Variants in GBF1 observed in about 807,000 individuals in gnomAD.
GBF1 encodes golgi brefeldin A resistant guanine nucleotide exchange factor 1.
GBF1 carries 114 observed loss-of-function variants against 210.5 expected under a neutral mutation model. That is an observed-to-expected ratio of 0.54 (90% CI 0.47 to 0.63). The LOEUF (loss-of-function observed/expected upper bound fraction) is 0.63, where lower values mean the gene tolerates loss of function less well. GBF1 is among the 30% of genes least tolerant of loss of function. The probability of loss-of-function intolerance (pLI) is 0.00; values close to 1 mark genes in which losing one functional copy is unlikely to be tolerated. For synonymous variants in GBF1, 850 were observed against 889.2 expected, an observed-to-expected ratio of 0.96 and a Z score of 0.78; for missense variants, 1,851 against 2,357.7, an observed-to-expected ratio of 0.79 and a Z score of 4.45.
At chr10:102,274,419 T>A (rs2074726519) in intron 3 of GBF1, among the ~76,000 whole-genome samples, 2 of 152,136 alleles carry the variant, frequency 1.3e-5, no homozygotes, top group South Asian at 4.2e-4. Flanking sequence ...GGGCCTTGAA[T>A]GTCTTATAGT....
chr10:102,348,024 T>C (rs1487370076), intron 4 of GBF1, among the ~76,000 whole-genome samples: 1 of 152,076 alleles, frequency 6.6e-6, no homozygotes, highest in African/African-American at 2.4e-5. Context: ...GCAACCTCCA[T>C]TTCCTGAGTT....
At chr10:102,274,699 ATTTTTTTTTTTTTTTT>A (rs1174743189) in intron 3 of GBF1, among the ~76,000 whole-genome samples, 4 of 71,700 alleles carry the variant, frequency 5.6e-5, no homozygotes, top group African/African-American at 2.0e-4. Context: ...CAAAACAAAG[ATTTTTTTTTTTTTTTT>A]TTTTTTTTTT....
chr10:102,280,047 C>G (rs1367262233), intron 3 of GBF1, among the ~76,000 whole-genome samples: 3 of 151,730 alleles, frequency 2.0e-5, no homozygotes, highest in African/African-American at 7.3e-5. Flanking sequence ...TCTCTTGAAC[C>G]CCAGAAATCA....
intron 9 of GBF1, 73 bp from the exon 10 acceptor site, chr10:102,358,433 T>C: frequency 9.5e-7 from 1 of 1,051,520 alleles, no homozygotes; most frequent in East Asian, 2.4e-5. Context: ...ACAGAGACCC[T>C]AGTACCATAG....
At chr10:102,231,458 G>C in the GBF1 span, 2 of 656,132 alleles carry the variant, frequency 3.0e-6, no homozygotes, top group Admixed American at 5.5e-5. Flanking sequence ...GTGGGGCTGC[G>C]GCCGGGAGCC....
chr10:102,278,878 A>C (rs1163351058), intron 3 of GBF1, among the ~76,000 whole-genome samples: 1 of 152,182 alleles, frequency 6.6e-6, no homozygotes, highest in African/African-American at 2.4e-5. Context: ...AATTTTGATC[A>C]TCTGGTCAAG....
At chr10:102,379,239 C>G (rs61873660) in intron 33 of GBF1, 45 bp from the exon 34 acceptor site, 2 of 1,582,710 alleles carry the variant, frequency 1.3e-6, no homozygotes, top group Non-Finnish European at 1.7e-6. Context: ...AAGGGATCCA[C>G]GAGACCTAAC....
At chr10:102,352,712 C>T (rs368800130) in intron 7 of GBF1, among the ~76,000 whole-genome samples, 194 bp downstream of exon 7, 19 of 152,192 alleles carry the variant, frequency 1.2e-4, no homozygotes, top group East Asian at 5.8e-4. Context: ...TTTGGCCTCA[C>T]GGGGAGGCAG....
At chr10:102,248,541 A>T (rs1057376177) in intron 1 of GBF1, among the ~76,000 whole-genome samples, 2 of 152,202 alleles carry the variant, frequency 1.3e-5, no homozygotes, top group Admixed American at 6.5e-5. Context: ...CAGGTAATGT[A>T]AATGAGTTAA....
intron 23 of GBF1, 60 bp downstream of exon 23, chr10:102,368,892 T>C (rs2060055495): frequency 1.7e-6 from 2 of 1,157,992 alleles, no homozygotes; most frequent in African/African-American, 3.0e-5. Flanking sequence ...CTTTTAGCCA[T>C]GGATCTACCC....
chr10:102,362,668 A>G lies in GBF1; in HGVS notation c.1876+4A>G, dbSNP rs1196033333. On this transcript the variant is annotated splice_donor_region_variant and intron_variant, in intron 15 of 39. Coordinates refer to ENST00000369983, the MANE Select transcript of GBF1 (RefSeq NM_001377137.1). ...GGCACCCGAGAAGCTAGCAATAGTG[A>G]GAGGCATTTCTTTCTTTGATGAACC... 1.2e-6 allele frequency: 2 copies of G among 1,610,196 alleles called. No individual in the cohort carries two copies. The highest frequency in any genetic ancestry group is 2.2e-5 in the South Asian group (2 of 90,988).
intron 3 of GBF1, among the ~76,000 whole-genome samples, chr10:102,332,531 G>T (rs1195616256): frequency 6.6e-6 from 1 of 151,890 alleles, no homozygotes; most frequent in Non-Finnish European, 1.5e-5. Context: ...TTACAGGTGC[G>T]CACCACCATG....
intron 3 of GBF1, among the ~76,000 whole-genome samples, chr10:102,319,031 G>C (rs2056125961): frequency 6.6e-6 from 1 of 151,956 alleles, no homozygotes; most frequent in Non-Finnish European, 1.5e-5. Context: ...AGACTAGCCT[G>C]GGTAGGCTGG....
intron 3 of GBF1, among the ~76,000 whole-genome samples, chr10:102,337,508 T>C (rs1331875830): frequency 6.6e-6 from 1 of 152,140 alleles, no homozygotes; most frequent in African/African-American, 2.4e-5. Flanking sequence ...TTCAAATTTG[T>C]TTGTTTTTAA....
At chr10:102,317,892 A>G (rs2055971532) in intron 3 of GBF1, among the ~76,000 whole-genome samples, 1 of 133,960 alleles carries the variant, frequency 7.5e-6, no homozygotes, top group Admixed American at 7.8e-5. Flanking sequence ...TTGGTTATTT[A>G]TTTATTTATT....
intron 30 of GBF1, 51 bp downstream of exon 30, chr10:102,375,635 C>G: frequency 8.4e-7 from 1 of 1,191,396 alleles, no homozygotes; most frequent in South Asian, 1.2e-5. Context: ...AGTTACACCC[C>G]AGGAGTTGGG....
intron 8 of GBF1, among the ~76,000 whole-genome samples, chr10:102,354,752 C>T (rs2059195702): frequency 6.6e-6 from 1 of 152,062 alleles, no homozygotes; most frequent in Non-Finnish European, 1.5e-5. Flanking sequence ...TAAGATCTAC[C>T]ATTTCTAGGG....
At chr10:102,323,239 GAAAAAAAAAAA>G (rs775888621) in intron 3 of GBF1, among the ~76,000 whole-genome samples, 2 of 65,848 alleles carry the variant, frequency 3.0e-5, no homozygotes, top group African/African-American at 6.2e-5. Context: ...CTCCAAAATT[GAAAAAAAAAAA>G]AAAAAAAAAA....
chr10:102,357,526 C>G (rs1418666571), intron 8 of GBF1, among the ~76,000 whole-genome samples: 1 of 151,928 alleles, frequency 6.6e-6, no homozygotes, highest in Non-Finnish European at 1.5e-5. Flanking sequence ...TTAGGCCCAG[C>G]TCACATACCA....
Sources: allele counts gnomAD v4.1 joint callset (sites outside exome capture counted in the v4.1 genomes callset), GRCh38; gene constraint gnomAD v4.1.1; transcripts MANE v1.5; gene names NCBI Gene and HGNC (gene_info 2026-07-23, HGNC 2026-07-21).